PTK2B: variants seen among roughly 807,000 people sequenced by gnomAD.
PTK2B encodes protein tyrosine kinase 2 beta.
PTK2B carries 71 observed loss-of-function variants against 142.9 expected under a neutral mutation model. That is an observed-to-expected ratio of 0.50 (90% CI 0.41 to 0.61). The LOEUF is 0.61. Among genes scored for constraint, PTK2B ranks in the 20% least tolerant of loss-of-function variants. PTK2B has a pLI of 0.00. For synonymous variants in PTK2B, 519 were observed against 503.4 expected (o/e 1.03, Z -0.42); for missense variants, 1,105 against 1,320.4 (o/e 0.84, Z 2.53).
rs145712977 is a variant in PTK2B at position 27,428,684 on chromosome 8, C to G, written c.552-1409C>G. On this transcript the variant is annotated intron_variant, in intron 5 of 30. Coordinates refer to ENST00000346049, the MANE Select transcript of PTK2B (RefSeq NM_173176.3). ...TCTACCCACTTGATGCTGGTAGCAC[C>G]ACCAACCCCCTACTCCAACTAGCTG... Among the ~76,000 whole-genome samples, 555 of 152,238 alleles carry G rather than the reference C, an allele frequency of 3.6e-3. 3 individuals are homozygous for G. The highest frequency in any genetic ancestry group is 0.012 in the African/African-American group (508 of 41,530).
At chr8:27,365,874 C>G (rs1250630785) in intron 1 of PTK2B, among the ~76,000 whole-genome samples, 1 of 152,210 alleles carries the variant, frequency 6.6e-6, no homozygotes, top group Non-Finnish European at 1.5e-5. Context: ...GGCTGTAAAA[C>G]TGCTCCTCAG....
chr8:27,442,036 C>T (rs3736525), intron 21 of PTK2B, among the ~76,000 whole-genome samples: 73,332 of 151,912 alleles, frequency 0.48, 18,281 homozygotes, highest in African/African-American at 0.6. Flanking sequence ...CAGACCACCA[C>T]CTGACTCTTC....
chr8:27,458,368 C>T lies in PTK2B; in HGVS notation c.2889C>T (p.Asn963=), dbSNP rs781440463. ...ACAAGATGCGGCTGGCACAGCAGAA[C>T]GCCGTGACCTCCCTAAGTGAGGAGT... ...LINKMRLAQQ[N]AVTSLSEECK... Residue 963 remains asparagine (N), a synonymous_variant, in exon 31 of 31, where the codon AAC becomes AAT. Coordinates refer to ENST00000346049, the MANE Select transcript of PTK2B (RefSeq NM_173176.3). 14 of 1,613,830 alleles carry T rather than the reference C, an allele frequency of 8.7e-6. No individual in the cohort carries two copies. In the East Asian group the frequency reaches 1.3e-4, roughly 15 times the overall value.
chr8:27,319,271 C>G (rs903828065), intron 3 of PTK2B, among the ~76,000 whole-genome samples: 5 of 149,758 alleles, frequency 3.3e-5, no homozygotes, highest in African/African-American at 1.3e-4. Flanking sequence ...TCTCTCCCCT[C>G]TACAGATTTT....
intron 1 of PTK2B, among the ~76,000 whole-genome samples, chr8:27,358,955 T>A (rs1246160239): frequency 1.3e-5 from 2 of 152,224 alleles, no homozygotes; most frequent in African/African-American, 4.8e-5. Flanking sequence ...AAGGATTTTA[T>A]GGCACTTTGA....
chr8:27,359,781 A>T (rs930196451), intron 1 of PTK2B, among the ~76,000 whole-genome samples: 2 of 152,054 alleles, frequency 1.3e-5, no homozygotes, highest in African/African-American at 4.8e-5. Flanking sequence ...ACCCAGACAG[A>T]GGTCAAGCTT....
At chr8:27,440,508 A>C in intron 21 of PTK2B, 67 bp downstream of exon 21, 1 of 1,544,146 alleles carries the variant, frequency 6.5e-7, no homozygotes, top group South Asian at 1.1e-5. Flanking sequence ...AGACCAGCAC[A>C]CAGAGAGGTT....
chr8:27,393,186 G>A (rs907485998), intron 1 of PTK2B, among the ~76,000 whole-genome samples: 1 of 152,148 alleles, frequency 6.6e-6, no homozygotes, highest in Admixed American at 6.5e-5. Flanking sequence ...CTGTAAAATG[G>A]CCATCTTCAC....
chr8:27,387,489 A>G lies in PTK2B; in HGVS notation c.-37-10059A>G, dbSNP rs577732879. ...GTCCTACAACCGTTCAAAACCAGCA[A>G]TCCATCCTGCGTTCCCATGACTCAC... On this transcript the variant is annotated intron_variant, in intron 1 of 30. Transcript: ENST00000346049. Among the ~76,000 whole-genome samples the G allele has an allele frequency of 1.2e-4, 18 of 152,240 alleles. No homozygotes were observed. In the East Asian group the frequency reaches 3.3e-3, roughly 28 times the overall value.
intron 5 of PTK2B, 72 bp from the exon 6 acceptor site, chr8:27,430,021 C>T: frequency 4.3e-6 from 6 of 1,393,832 alleles, no homozygotes; most frequent in Non-Finnish European, 5.1e-6. Context: ...CTTCTGGTGG[C>T]ATGAGGTGCC....
intron 1 of PTK2B, among the ~76,000 whole-genome samples, chr8:27,360,345 C>T (rs1210067406): frequency 6.6e-6 from 1 of 152,220 alleles, no homozygotes; most frequent in African/African-American, 2.4e-5. Context: ...TGCGCGATGC[C>T]GGCAAGCGCC....
intron 1 of PTK2B, among the ~76,000 whole-genome samples, chr8:27,355,324 GGAAGAGAGAGA>G (rs372626002): frequency 2.2e-4 from 34 of 152,082 alleles, no homozygotes; most frequent in African/African-American, 7.9e-4. Flanking sequence ...AAAGAGGGAG[GGAAGAGAGAGA>G]GAAGAGAGAC....
intron 28 of PTK2B, 162 bp from the exon 29 acceptor site, chr8:27,453,992 A>G (rs1250033197): frequency 4.3e-6 from 4 of 933,616 alleles, no homozygotes; most frequent in Non-Finnish European, 4.8e-6. Context: ...CCAGAAGTGG[A>G]CAGAGGCAAT....
At chr8:27,437,010 A>G in intron 15 of PTK2B, 112 bp from the exon 16 acceptor site, 1 of 924,562 alleles carries the variant, frequency 1.1e-6, no homozygotes. Context: ...ACATAGGAGA[A>G]AGGGCCCTTT....
intron 2 of PTK2B, among the ~76,000 whole-genome samples, chr8:27,417,609 A>G (rs1452463342): frequency 1.3e-5 from 2 of 152,196 alleles, no homozygotes; most frequent in Non-Finnish European, 2.9e-5. Context: ...GAAGAACTGT[A>G]AAAAAATAAT....
chr8:27,426,767 C>T (rs1323774233), intron 5 of PTK2B, among the ~76,000 whole-genome samples: 4 of 152,110 alleles, frequency 2.6e-5, no homozygotes, highest in Admixed American at 6.5e-5. Flanking sequence ...ATTGGGGTGA[C>T]CTTGATGTGC....
At chr8:27,388,575 G>C (rs941183224) in intron 1 of PTK2B, among the ~76,000 whole-genome samples, 5 of 152,194 alleles carry the variant, frequency 3.3e-5, no homozygotes, top group African/African-American at 1.2e-4. Context: ...CCTGAGATCT[G>C]CCCTTTTTGC....
intron 17 of PTK2B, 110 bp from the exon 18 acceptor site, chr8:27,437,655 T>A (rs1473355372): frequency 7.1e-6 from 9 of 1,275,750 alleles, no homozygotes; most frequent in Non-Finnish European, 9.9e-6. Flanking sequence ...CAGCTTTGGG[T>A]TTGTCTCCCA....
intron 18 of PTK2B, 51 bp from the exon 19 acceptor site, chr8:27,438,980 T>G: frequency 6.7e-7 from 1 of 1,485,160 alleles, no homozygotes; most frequent in Non-Finnish European, 9.4e-7. Context: ...CTGTTCCTGC[T>G]CCCATGGGGG....
Sources: gnomAD v4.1 joint callset for allele counts (sites outside exome capture counted in the v4.1 genomes callset) on GRCh38, gnomAD v4.1.1 for gene constraint, MANE v1.5 for transcripts, NCBI Gene and HGNC (gene_info 2026-07-23, HGNC 2026-07-21) for gene names.